The following DOCK8 variants were observed in gnomAD, a reference collection of about 807,000 sequenced individuals.
DOCK8 encodes dedicator of cytokinesis 8, also known as dedicator of cytokinesis protein 8.
Under a neutral mutation model 245.6 loss-of-function variants are expected in DOCK8, and 141 were observed. The ratio of observed to expected loss-of-function variants is 0.57; its 90% CI spans 0.50 to 0.66. The LOEUF is 0.66. Among genes scored for constraint, DOCK8 ranks in the 30% least tolerant of loss-of-function variants. DOCK8 has a pLI of 0.00. For missense variants in DOCK8, 2,965 were observed against 2,603.4 expected (o/e 1.14, Z -3.02); for synonymous variants, 1,168 against 970.2 (o/e 1.20, Z -3.79).
intron 1 of DOCK8, among the ~76,000 whole-genome samples, chr9:229,914 A>G (rs1471411826): frequency 6.6e-6 from 1 of 150,604 alleles, no homozygotes; most frequent in Non-Finnish European, 1.5e-5. Context: ...TTTTATTATT[A>G]TTATTATACT....
intron 1 of DOCK8, among the ~76,000 whole-genome samples, chr9:252,423 G>A (rs2047671485): frequency 6.6e-6 from 1 of 152,128 alleles, no homozygotes; most frequent in African/African-American, 2.4e-5. Flanking sequence ...TGAACCAGTT[G>A]TTATTCATTG....
At chr9:412,231 C>G (rs1586954787) in intron 28 of DOCK8, among the ~76,000 whole-genome samples, 1 of 151,924 alleles carries the variant, frequency 6.6e-6, no homozygotes, top group Non-Finnish European at 1.5e-5. Context: ...TGGCAAAACG[C>G]CATCTCTACA....
intron 4 of DOCK8, among the ~76,000 whole-genome samples, chr9:291,519 T>C (rs2049037988): frequency 6.6e-6 from 1 of 152,196 alleles, no homozygotes; most frequent in South Asian, 2.1e-4. Context: ...AGTGATTCTC[T>C]TCCTTTGCTA....
At chr9:422,299 T>TATAGGGAGTTGTGGTTTCC (rs2056308989) in intron 33 of DOCK8, among the ~76,000 whole-genome samples, 164 bp downstream of exon 33, 1 of 152,148 alleles carries the variant, frequency 6.6e-6, no homozygotes, top group African/African-American at 2.4e-5. Flanking sequence ...TAATCAAAGG[T>TATAGGGAGTTGTGGTTTCC]ATAGGGAGTT....
chr9:428,290 C>CT (rs2056572985), intron 34 of DOCK8, 72 bp from the exon 35 acceptor site: 1 of 1,610,338 alleles, frequency 6.2e-7, no homozygotes, highest in Non-Finnish European at 8.5e-7. Context: ...CATTACTGAG[C>CT]TAATTGTCAG....
chr9:440,574 C>G (rs555492705), intron 40 of DOCK8, among the ~76,000 whole-genome samples: 19 of 152,248 alleles, frequency 1.2e-4, no homozygotes, highest in African/African-American at 4.1e-4. Flanking sequence ...TCCTCAAACT[C>G]AACAAAATGA....
chr9:389,756 C>A (rs111575525), intron 23 of DOCK8, among the ~76,000 whole-genome samples: 2,410 of 152,234 alleles, frequency 0.016, 68 homozygotes, highest in African/African-American at 0.053. Flanking sequence ...TGGCTCACAC[C>A]CGTAATCCCA....
intron 2 of DOCK8, chr9:284,494 A>G (rs1237904661): frequency 1.3e-5 from 2 of 152,216 alleles, no homozygotes; most frequent in Non-Finnish European, 2.9e-5. Context: ...AACGAGGGGA[A>G]TGCTTTGCTC....
In DOCK8 at chr9:463,604, G is replaced by A. The variant is rs149711079; in HGVS notation, c.6156G>A (p.Lys2052=). ...AGGAACTCAAAAAGAACTATAACAAGCTAAAAGAGAACCTCAGGCCAATGA... is the reference window on the plus strand; with the variant it reads ...AGGAACTCAAAAAGAACTATAACAAACTAAAAGAGAACCTCAGGCCAATGA... ...YQQELKKNYN[K]LKENLRPMIE... The change falls in exon 47 of 48, where the codon AAG becomes AAA. Residue 2052 remains lysine, a synonymous_variant. Transcript: ENST00000432829. 2 of 1,614,106 alleles carry A rather than the reference G, an allele frequency of 1.2e-6. No individual in the cohort carries two copies. Among genetic ancestry groups the A allele is most frequent in the Non-Finnish European group, 1.7e-6 (2 of 1,180,032 alleles).
Position 371,504 on chromosome 9 carries a change from T to TTCTACCATA in DOCK8, c.1948_1956dup (p.Tyr650_Ile652dup). The TTCTACCATA allele has an allele frequency of 6.2e-7, 1 of 1,614,232 alleles. No homozygotes were observed. Among genetic ancestry groups the TTCTACCATA allele is most frequent in the Non-Finnish European group, 8.5e-7 (1 of 1,180,036 alleles). ...AGTAAATCACCACCTCCTGTTCACC[T>TTCTACCATA]TCTACCATATCAGCTGTCAGCAGAA... On this transcript the variant is annotated inframe_insertion, in exon 17 of 48. Coordinates refer to ENST00000432829, the MANE Select transcript of DOCK8 (RefSeq NM_203447.4).
chr9:244,638 G>C (rs922413246), intron 1 of DOCK8, among the ~76,000 whole-genome samples: 1 of 152,136 alleles, frequency 6.6e-6, no homozygotes, highest in South Asian at 2.1e-4. Flanking sequence ...TATCATAAAT[G>C]TTTAATAAAT....
chr9:359,574 G>T (rs989529603), intron 14 of DOCK8, among the ~76,000 whole-genome samples: 1 of 152,044 alleles, frequency 6.6e-6, no homozygotes, highest in African/African-American at 2.4e-5. Flanking sequence ...TAATGTATTT[G>T]CAATTTCCTT....
intron 20 of DOCK8, among the ~76,000 whole-genome samples, chr9:379,222 T>C (rs556770222): frequency 6.6e-6 from 1 of 152,310 alleles, no homozygotes; most frequent in East Asian, 1.9e-4. Flanking sequence ...CAAGAGGTTC[T>C]ATGCAGTAAA....
At position 428,447 on chromosome 9, in the gene DOCK8, C is replaced by T. The variant is rs747889057; in HGVS notation, c.4424C>T (p.Thr1475Ile). The part of the protein sequence containing the change: ...LVNSLNCDQS[T>I]TYLTHCFATL... ...AATTCTCTGAACTGTGATCAGAGTA[C>T]CACCTACCTGACTCACTGCTTTGCA... The change falls in exon 35 of 48, where the codon ACC becomes ATC. Residue 1475 changes from threonine to isoleucine, a missense_variant. Physicochemically the swap from Thr to Ile is moderately conservative, Grantham distance 89. Coordinates refer to ENST00000432829, the MANE Select transcript of DOCK8 (RefSeq NM_203447.4). 1.9e-6 allele frequency: 3 copies of T among 1,614,160 alleles called. No individual in the cohort carries two copies. The highest frequency in any genetic ancestry group is 2.2e-5 in the South Asian group (2 of 91,086).
chr9:312,353 A>T lies in DOCK8; in HGVS notation c.741+187A>T, dbSNP rs1002048307. On this transcript the variant is annotated intron_variant, in intron 6 of 47. Coordinates refer to ENST00000432829, the MANE Select transcript of DOCK8 (RefSeq NM_203447.4). ...TAGCAGAGCCATTATTGATTATCAC[A>T]CAGATGGGATTCTGATAATAATAAC... 3 of 723,906 alleles carry T rather than the reference A, an allele frequency of 4.1e-6. No individual in the cohort carries two copies. The African/African-American group carries it at 5.2e-5, about 13-fold the overall frequency. 44.8% of individuals were successfully genotyped at this position (723,906 alleles called of 1,614,324 possible).
chr9:404,123 A>T (rs1024081613), intron 26 of DOCK8, among the ~76,000 whole-genome samples: 1 of 151,384 alleles, frequency 6.6e-6, no homozygotes, highest in Non-Finnish European at 1.5e-5. Context: ...TGAAATATTG[A>T]GGAGCTCAAG....
At chr9:309,740 C>T (rs1468175573) in intron 5 of DOCK8, among the ~76,000 whole-genome samples, 1 of 152,172 alleles carries the variant, frequency 6.6e-6, no homozygotes, top group Non-Finnish European at 1.5e-5. Flanking sequence ...TTGCCCACTC[C>T]CACATCGACC....
At chr9:411,101 T>C (rs2055704106) in intron 28 of DOCK8, among the ~76,000 whole-genome samples, 1 of 152,168 alleles carries the variant, frequency 6.6e-6, no homozygotes, top group African/African-American at 2.4e-5. Context: ...CACATACACC[T>C]ACTATGTACC....
At chr9:397,061 C>G (rs375679067) in intron 25 of DOCK8, 127 bp downstream of exon 25, 1 of 1,129,874 alleles carries the variant, frequency 8.9e-7, no homozygotes, top group East Asian at 2.6e-5. Context: ...CAGTTAAACG[C>G]AGTATGTTAT....
Sources: allele counts gnomAD v4.1 joint callset (sites outside exome capture counted in the v4.1 genomes callset), GRCh38; gene constraint gnomAD v4.1.1; transcripts MANE v1.5; gene names NCBI Gene and HGNC (gene_info 2026-07-23, HGNC 2026-07-21).